SLC4A5: variants seen among roughly 807,000 people sequenced by gnomAD.
SLC4A5 encodes electrogenic sodium bicarbonate cotransporter 4.
A neutral mutation model predicts 120.4 loss-of-function variants in SLC4A5; 96 were observed. That is an observed-to-expected ratio of 0.80 (90% CI 0.68 to 0.94). The LOEUF is 0.94. Ranked by LOEUF, SLC4A5 falls within the 40% of genes least tolerant of loss-of-function variation. The pLI is 0.00. For synonymous variants in SLC4A5, 550 were observed against 571.1 expected (o/e 0.96, Z 0.53); for missense variants, 1,259 against 1,459.5 (o/e 0.86, Z 2.24).
At chr2:74,278,723 G>A (rs1385312472) in intron 8 of SLC4A5, among the ~76,000 whole-genome samples, 1 of 152,158 alleles carries the variant, frequency 6.6e-6, no homozygotes, top group Non-Finnish European at 1.5e-5. Flanking sequence ...GTTAGATACT[G>A]GACATAAAAG....
intron 2 of SLC4A5, among the ~76,000 whole-genome samples, chr2:74,340,771 A>C (rs1358378511): frequency 6.6e-6 from 1 of 152,132 alleles, no homozygotes; most frequent in Non-Finnish European, 1.5e-5. Flanking sequence ...CTGGTTAGCT[A>C]AATAAGTGAG....
intron 5 of SLC4A5, among the ~76,000 whole-genome samples, chr2:74,320,538 A>T (rs982969919): frequency 6.6e-6 from 1 of 152,210 alleles, no homozygotes; most frequent in Non-Finnish European, 1.5e-5. Flanking sequence ...CTAGAATTCC[A>T]GTCCCAATCA....
chr2:74,320,702 G>A (rs1342924855), intron 5 of SLC4A5, among the ~76,000 whole-genome samples: 1 of 152,204 alleles, frequency 6.6e-6, no homozygotes, highest in South Asian at 2.1e-4. Flanking sequence ...TTAAGTCTGG[G>A]AAACGGGATT....
rs756892978 is a variant in SLC4A5, at chr2:74,233,579, CAG to C, written c.2434-18_2434-17del. 3.7e-6 allele frequency: 6 copies of C among 1,601,426 alleles called. No individual in the cohort carries two copies. The highest frequency in any genetic ancestry group is 4.5e-5 in the East Asian group (2 of 44,560). On this transcript the variant is annotated splice_polypyrimidine_tract_variant and intron_variant, in intron 22 of 30. Transcript: ENST00000394019. ...GCCGCGTTGGCTGAGTGGGAGCAAACAGAGAGGGGCCCTTTCCTCTCTCCCTT... is the reference window on the plus strand; with the variant it reads ...GCCGCGTTGGCTGAGTGGGAGCAAACAGAGGGGCCCTTTCCTCTCTCCCTT...
At chr2:74,223,659 C>T (rs190992250) in intron 28 of SLC4A5, among the ~76,000 whole-genome samples, 293 of 152,302 alleles carry the variant, frequency 1.9e-3, no homozygotes, top group Non-Finnish European at 1.3e-3. Flanking sequence ...TGTAATAGTT[C>T]TTGGCATGTG....
At chr2:74,300,640 T>C (rs977552591) in intron 7 of SLC4A5, among the ~76,000 whole-genome samples, 3 of 152,230 alleles carry the variant, frequency 2.0e-5, no homozygotes, top group Non-Finnish European at 2.9e-5. Flanking sequence ...TAGGCCTATG[T>C]GCTCCTGTTT....
chr2:74,256,307 C>T (rs1365133915), intron 12 of SLC4A5, among the ~76,000 whole-genome samples: 1 of 152,222 alleles, frequency 6.6e-6, no homozygotes, highest in Non-Finnish European at 1.5e-5. Flanking sequence ...GTGCTTCTAC[C>T]TCAGCCACCC....
intron 5 of SLC4A5, among the ~76,000 whole-genome samples, chr2:74,321,821 G>A (rs981610647): frequency 4.0e-5 from 6 of 151,706 alleles, no homozygotes; most frequent in African/African-American, 1.5e-4. Flanking sequence ...GCATGAGCTG[G>A]GATCTATATA....
At chr2:74,281,026 A>G (rs966518551) in intron 8 of SLC4A5, among the ~76,000 whole-genome samples, 1 of 152,174 alleles carries the variant, frequency 6.6e-6, no homozygotes, top group African/African-American at 2.4e-5. Flanking sequence ...GGGTTGAAAC[A>G]GATAGTTCAG....
intron 7 of SLC4A5, chr2:74,290,143 T>TC: frequency 3.0e-6 from 3 of 985,582 alleles, no homozygotes; most frequent in Non-Finnish European, 3.6e-6. Context: ...GAATCCCCTT[T>TC]CCCCTTCAAG....
intron 26 of SLC4A5, 70 bp downstream of exon 26, chr2:74,227,740 C>G: frequency 7.1e-7 from 1 of 1,414,076 alleles, no homozygotes; most frequent in Middle Eastern, 1.8e-4. Context: ...AATTGGGGGT[C>G]TTGGTGACAT....
chr2:74,249,351 T>A (rs543193383), intron 17 of SLC4A5, among the ~76,000 whole-genome samples: 1 of 151,698 alleles, frequency 6.6e-6, no homozygotes, highest in African/African-American at 2.4e-5. Flanking sequence ...GGGAATAGGG[T>A]TAAGTGGAGT....
chr2:74,262,235 GGGA>G lies in SLC4A5; in HGVS notation c.716-6_716-4del. 1.2e-6 allele frequency: 2 copies of G among 1,613,516 alleles called. No homozygotes were observed. Among genetic ancestry groups the G allele is most frequent in the Non-Finnish European group, 1.7e-6 (2 of 1,179,636 alleles). On this transcript the variant is annotated splice_polypyrimidine_tract_variant and splice_region_variant and intron_variant, in intron 10 of 30. Coordinates refer to ENST00000394019, the Ensembl canonical transcript of SLC4A5. ...AGGGCTCCGGGCAGGACTGCGATCT[GGGA>G]GGAGAATCAGAAGGGACTTGGCTTC...
rs1314296348 is a variant in SLC4A5, at chr2:74,247,311, G to A, written c.1788-4C>T. 2 of 1,610,174 alleles carry A rather than the reference G, an allele frequency of 1.2e-6. No homozygotes were observed. The highest frequency in any genetic ancestry group is 8.5e-7 in the Non-Finnish European group (1 of 1,177,388). Reference sequence around the variant, plus strand: ...CATGTAGTCCAGGCCATTGCCTCTGGAAGGCAGAGGGGAGGTGAGGGGCCT... The same window carrying A: ...CATGTAGTCCAGGCCATTGCCTCTGAAAGGCAGAGGGGAGGTGAGGGGCCT... On this transcript the variant is annotated splice_region_variant and splice_polypyrimidine_tract_variant and intron_variant, in intron 18 of 30. Coordinates refer to ENST00000394019, the Ensembl canonical transcript of SLC4A5.
intron 7 of SLC4A5, among the ~76,000 whole-genome samples, chr2:74,292,218 A>G (rs1008671905): frequency 1.3e-5 from 2 of 152,136 alleles, no homozygotes; most frequent in Non-Finnish European, 2.9e-5. Context: ...TGATATTGCT[A>G]TTATTGTTGA....
chr2:74,264,984 T>G, intron 9 of SLC4A5, 120 bp downstream of exon 9: 1 of 1,173,354 alleles, frequency 8.5e-7, no homozygotes, highest in Non-Finnish European at 1.2e-6. Flanking sequence ...AGCTGGTCTC[T>G]GCAGAATCAG....
At chr2:74,283,035 G>A (rs556414823) in intron 8 of SLC4A5, among the ~76,000 whole-genome samples, 7 of 152,322 alleles carry the variant, frequency 4.6e-5, no homozygotes, top group African/African-American at 1.7e-4. Context: ...GGCATCCTGG[G>A]CTCTGCAGCT....
At chr2:74,257,247 C>CAA (rs139455226) in intron 12 of SLC4A5, among the ~76,000 whole-genome samples, 8 of 147,460 alleles carry the variant, frequency 5.4e-5, no homozygotes, top group East Asian at 2.0e-4. Flanking sequence ...TCCAATCAGA[C>CAA]AAAAAAAAAA....
At chr2:74,330,164 G>A (rs1386351598) in intron 4 of SLC4A5, among the ~76,000 whole-genome samples, 4 of 141,882 alleles carry the variant, frequency 2.8e-5, no homozygotes, top group Non-Finnish European at 6.2e-5. Flanking sequence ...CTAGATGGAG[G>A]TAGCGAGGTC....
Sources: allele counts gnomAD v4.1 joint callset (sites outside exome capture counted in the v4.1 genomes callset), GRCh38; gene constraint gnomAD v4.1.1; transcripts MANE v1.5; gene names NCBI Gene and HGNC (gene_info 2026-07-23, HGNC 2026-07-21).